The following IL12RB2 variants were observed in gnomAD, a reference collection of about 807,000 sequenced individuals.
IL12RB2 encodes interleukin-12 receptor subunit beta-2.
A neutral mutation model predicts 89.4 loss-of-function variants in IL12RB2; 82 were observed. That is an observed-to-expected ratio of 0.92 (90% CI 0.77 to 1.10). The LOEUF (loss-of-function observed/expected upper bound fraction) is 1.10, where lower values mean the gene tolerates loss of function less well. Ranked by LOEUF, IL12RB2 falls within the 50% of genes least tolerant of loss-of-function variation. IL12RB2 has a pLI of 0.00. For missense variants in IL12RB2, 963 were observed against 1,031.9 expected, an observed-to-expected ratio of 0.93 and a Z score of 0.92; for synonymous variants, 368 against 370.1, an observed-to-expected ratio of 0.99 and a Z score of 0.07.
intron 13 of IL12RB2, among the ~76,000 whole-genome samples, chr1:67,372,992 T>C (rs1208744129): frequency 3.3e-5 from 5 of 152,250 alleles, no homozygotes; most frequent in African/African-American, 1.2e-4. Context: ...ATATGTGTTA[T>C]GTGCCAAGCA....
chr1:67,341,537 A>AAAAAGAAAG (rs60473451), intron 9 of IL12RB2, among the ~76,000 whole-genome samples: 4,447 of 21,918 alleles, frequency 0.2, 73 homozygotes, highest in East Asian at 0.38. Context: ...AAGAGAAAGA[A>AAAAAGAAAG]AGAAAGAAAG....
At chr1:67,325,454 G>A (rs1360706601) in intron 4 of IL12RB2, among the ~76,000 whole-genome samples, 1 of 152,172 alleles carries the variant, frequency 6.6e-6, no homozygotes, top group Non-Finnish European at 1.5e-5. Context: ...TAAAGAAGAG[G>A]TTTCACCATG....
Position 67,395,971 on chromosome 1 carries a change from C to T in IL12RB2, c.2471C>T (p.Pro824Leu). The change falls in exon 17 of 17, where the codon CCT (proline) becomes CTT (leucine). Residue 824 changes from proline to leucine, a missense_variant. By Grantham distance (98) the Pro-to-Leu change is moderately conservative. Coordinates refer to ENST00000674203, the MANE Select transcript of IL12RB2 (RefSeq NM_001374259.2). Reference sequence around the variant, plus strand: ...GCTGACTCTCTGGAAGAACTGGAGCCTCAGCACATCTCCCTTTCTGTTTTC... The same window carrying T: ...GCTGACTCTCTGGAAGAACTGGAGCTTCAGCACATCTCCCTTTCTGTTTTC... The part of the protein sequence containing the change: ...PLADSLEELE[P>L]QHISLSVFPS... 6.2e-7 allele frequency: 1 copy of T among 1,605,462 alleles called. No homozygotes were observed. The highest frequency in any genetic ancestry group is 8.5e-7 in the Non-Finnish European group (1 of 1,172,060).
chr1:67,380,048 T>A lies in IL12RB2; in HGVS notation c.1780T>A (p.Tyr594Asn), dbSNP rs749128084. 6.2e-7 allele frequency: 1 copy of A among 1,613,554 alleles called. No homozygotes were observed. Among genetic ancestry groups the A allele is most frequent in the South Asian group, 1.1e-5 (1 of 91,072 alleles). The change falls in exon 14 of 17, where the codon TAT (tyrosine) becomes AAT (asparagine). Residue 594 changes from tyrosine to asparagine, a missense_variant. Transcript: ENST00000674203. ...AAACAGCCTGCAGCCCCGAGTGACA[T>A]ATGTCCTGTGGATGACAGCTCTGAC... ...PINSLQPRVT[Y>N]VLWMTALTAA...
In IL12RB2 at chr1:67,330,575, G is replaced by GTT. The variant is rs11463498; in HGVS notation, c.808-74_808-73dup. The GTT allele has an allele frequency of 0.13, 76,136 of 572,002 alleles. 161 individuals are homozygous for GTT. Among genetic ancestry groups the GTT allele is most frequent in the Middle Eastern group, 0.2 (384 of 1,950 alleles). The allele number at this position is 572,002 out of a possible 1,614,324, so 35.4% of individuals were successfully genotyped here. On this transcript the variant is annotated intron_variant, in intron 7 of 16. Coordinates refer to ENST00000674203, the MANE Select transcript of IL12RB2 (RefSeq NM_001374259.2). Reference sequence around the variant, plus strand: ...AAACAAATAAGATCAAATAGCCTGGGTTTTTTTTTTTTCATTTTATGTTAA... The same window carrying GTT: ...AAACAAATAAGATCAAATAGCCTGGGTTTTTTTTTTTTTTCATTTTATGTTAA...
chr1:67,362,729 G>A (rs1272282051), intron 10 of IL12RB2, among the ~76,000 whole-genome samples: 1 of 151,914 alleles, frequency 6.6e-6, no homozygotes, highest in Non-Finnish European at 1.5e-5. Flanking sequence ...GGAGAAATAA[G>A]GACTTCCCAC....
intron 8 of IL12RB2, among the ~76,000 whole-genome samples, chr1:67,332,522 A>G (rs1279058288): frequency 6.6e-6 from 1 of 152,310 alleles, no homozygotes; most frequent in East Asian, 1.9e-4. Flanking sequence ...TCTAAAAGTG[A>G]ATTTATCCAA....
At chr1:67,326,887 ATCTTC>A in intron 5 of IL12RB2, 38 bp downstream of exon 5, 2 of 1,369,096 alleles carry the variant, frequency 1.5e-6, no homozygotes, top group Non-Finnish European at 1.9e-6. Flanking sequence ...TGTTTTGTAG[ATCTTC>A]TCTTAAATGA....
chr1:67,322,436 CAAAAAAAAAAAA>C (rs56249028), intron 4 of IL12RB2, among the ~76,000 whole-genome samples: 5 of 127,252 alleles, frequency 3.9e-5, no homozygotes, highest in African/African-American at 1.5e-4. Context: ...CTGACTCCAG[CAAAAAAAAAAAA>C]AAAAAAAAAA....
At chr1:67,309,294 A>G (rs1391380134) in intron 1 of IL12RB2, among the ~76,000 whole-genome samples, 3 of 152,170 alleles carry the variant, frequency 2.0e-5, no homozygotes, top group Non-Finnish European at 4.4e-5. Context: ...GGAAACTTAC[A>G]TGTTTCACAC....
At chr1:67,386,872 T>TTTTTTATATATA (rs1473033781) in intron 15 of IL12RB2, among the ~76,000 whole-genome samples, 1 of 48,436 alleles carries the variant, frequency 2.1e-5, no homozygotes, top group African/African-American at 6.4e-5. Flanking sequence ...GAAATGTATT[T>TTTTTTATATATA]TATATATATA....
intron 10 of IL12RB2, among the ~76,000 whole-genome samples, chr1:67,363,550 C>T: frequency 6.6e-6 from 1 of 151,748 alleles, no homozygotes; most frequent in East Asian, 1.9e-4. Context: ...TAATAGATAG[C>T]AGTTTATTCA....
intron 9 of IL12RB2, 88 bp from the exon 10 acceptor site, chr1:67,350,782 C>G: frequency 6.4e-7 from 1 of 1,573,410 alleles, no homozygotes; most frequent in Non-Finnish European, 8.6e-7. Flanking sequence ...CTGTAGCTGC[C>G]TAGTACATCT....
intron 14 of IL12RB2, among the ~76,000 whole-genome samples, chr1:67,383,804 G>A (rs1292143884): frequency 6.6e-6 from 1 of 152,214 alleles, no homozygotes; most frequent in Non-Finnish European, 1.5e-5. Flanking sequence ...TCATTGCCAA[G>A]GTCAGATTTT....
chr1:67,351,523 ATGGTGGTG>A (rs1660840857), intron 10 of IL12RB2, among the ~76,000 whole-genome samples: 1 of 152,150 alleles, frequency 6.6e-6, no homozygotes, highest in African/African-American at 2.4e-5. Context: ...AAAGTCGGGG[ATGGTGGTG>A]TGTACCTATG....
At chr1:67,322,718 G>A (rs1260963774) in intron 4 of IL12RB2, among the ~76,000 whole-genome samples, 2 of 152,168 alleles carry the variant, frequency 1.3e-5, no homozygotes, top group Admixed American at 6.5e-5. Flanking sequence ...TCCACCTGAC[G>A]GGGGCTCAGT....
chr1:67,364,731 C>T (rs1662492923), intron 10 of IL12RB2, among the ~76,000 whole-genome samples: 1 of 152,168 alleles, frequency 6.6e-6, no homozygotes, highest in Non-Finnish European at 1.5e-5. Flanking sequence ...TGGACAGATC[C>T]TGCAGACAGG....
chr1:67,328,912 G>A (rs1478208872), intron 6 of IL12RB2, among the ~76,000 whole-genome samples: 1 of 152,148 alleles, frequency 6.6e-6, no homozygotes, highest in Non-Finnish European at 1.5e-5. Flanking sequence ...AAATGTAATC[G>A]GTCCAGTTGA....
rs1211750649 is a variant in IL12RB2 at position 67,329,652 on chromosome 1, C to G, written c.730C>G (p.Leu244Val). The change falls in exon 7 of 17, where the codon CTT (leucine) becomes GTT (valine). Residue 244 changes from leucine to valine, a missense_variant. By Grantham distance (32) the Leu-to-Val change is conservative. Transcript: ENST00000674203. ...FQKASVSRCT[L>V]YWRDEGLVLL... Reference sequence around the variant, plus strand: ...AAAGGCTTCTGTGAGCAGATGTACCCTTTATTGGAGAGATGAGGGACTGGT... The same window carrying G: ...AAAGGCTTCTGTGAGCAGATGTACCGTTTATTGGAGAGATGAGGGACTGGT... The G allele has an allele frequency of 1.9e-6, 3 of 1,576,580 alleles. No individual in the cohort carries two copies. The highest frequency in any genetic ancestry group is 1.3e-5 in the African/African-American group (1 of 74,276).
Sources: allele counts gnomAD v4.1 joint callset (sites outside exome capture counted in the v4.1 genomes callset), GRCh38; gene constraint gnomAD v4.1.1; transcripts MANE v1.5; gene names NCBI Gene and HGNC (gene_info 2026-07-23, HGNC 2026-07-21).